Variants in PCDH7 observed in about 807,000 individuals in gnomAD.
PCDH7 encodes the protein protocadherin 7.
A neutral mutation model predicts 58.9 loss-of-function variants in PCDH7; 17 were observed. The observed-to-expected ratio is 0.29, with a 90% CI of 0.20 to 0.43. The LOEUF is 0.43. Ranked by LOEUF, PCDH7 falls within the 20% of genes least tolerant of loss-of-function variation. The pLI is 1.00. For missense variants in PCDH7, 1,274 were observed against 1,441.0 expected, an observed-to-expected ratio of 0.88 and a Z score of 1.88; for synonymous variants, 664 against 616.4, an observed-to-expected ratio of 1.08 and a Z score of -1.14.
At position 30,993,236 on chromosome 4, in the gene PCDH7, A is replaced by C. The variant is rs192785038; in HGVS notation, c.*7+43021A>C. Among the ~76,000 whole-genome samples the C allele has an allele frequency of 2.1e-3, 323 of 152,350 alleles. 1 individual carries two copies. The highest frequency in any genetic ancestry group is 4.0e-3 in the Non-Finnish European group (275 of 68,038). ...TATATGCCTACCTATGGCTCTTCCA[A>C]TGCTAGTTTCTACATTTCCCATGTA... On this transcript the variant is annotated intron_variant, in intron 3 of 3. Coordinates refer to the PCDH7 transcript ENST00000509759.
intron 1 of PCDH7, among the ~76,000 whole-genome samples, chr4:30,846,248 G>A (rs1731930999): frequency 6.6e-6 from 1 of 152,168 alleles, no homozygotes; most frequent in East Asian, 1.9e-4. Flanking sequence ...GCCTTTAAGA[G>A]GTGATTAGGT....
chr4:30,928,773 C>G (rs1282390707), intron 2 of PCDH7, among the ~76,000 whole-genome samples: 1 of 152,172 alleles, frequency 6.6e-6, no homozygotes, highest in Admixed American at 6.5e-5. Context: ...TCTTTATCTA[C>G]TCATCTTTGA....
At chr4:31,088,257 A>G (rs1712737351) in intron 3 of PCDH7, among the ~76,000 whole-genome samples, 1 of 152,082 alleles carries the variant, frequency 6.6e-6, no homozygotes, top group Non-Finnish European at 1.5e-5. Context: ...TTAGAGGATA[A>G]TAGAATTGCT....
At chr4:30,824,171 C>T (rs1218869421) in intron 1 of PCDH7, among the ~76,000 whole-genome samples, 3 of 119,350 alleles carry the variant, frequency 2.5e-5, no homozygotes, top group African/African-American at 9.7e-5. Flanking sequence ...TTTTGCTTCC[C>T]TCATATATGT....
intron 3 of PCDH7, among the ~76,000 whole-genome samples, chr4:31,049,285 C>A (rs1756554855): frequency 6.6e-6 from 1 of 151,980 alleles, no homozygotes; most frequent in South Asian, 2.1e-4. Flanking sequence ...GGCTTCAAGG[C>A]AGGCAAGCAA....
At chr4:31,089,125 C>G (rs1196649389) in intron 3 of PCDH7, among the ~76,000 whole-genome samples, 1 of 151,988 alleles carries the variant, frequency 6.6e-6, no homozygotes, top group South Asian at 2.1e-4. Context: ...CCATTCATCA[C>G]CTCTCATACT....
At chr4:30,903,699 A>G (rs543066883) in intron 1 of PCDH7, among the ~76,000 whole-genome samples, 1 of 152,282 alleles carries the variant, frequency 6.6e-6, no homozygotes, top group East Asian at 1.9e-4. Flanking sequence ...ATGTCACAGA[A>G]GAAGTTCTGG....
intron 1 of PCDH7, among the ~76,000 whole-genome samples, chr4:30,746,750 A>G (rs1180919505): frequency 6.6e-6 from 1 of 152,238 alleles, no homozygotes; most frequent in Non-Finnish European, 1.5e-5. Flanking sequence ...TGATGCCAAA[A>G]AAATTTCCTC....
intron 3 of PCDH7, among the ~76,000 whole-genome samples, chr4:31,082,420 T>C (rs535241533): frequency 1.2e-4 from 18 of 152,320 alleles, no homozygotes; most frequent in African/African-American, 3.8e-4. Flanking sequence ...TAGTGAAATA[T>C]GGTAAAATAA....
At chr4:30,753,669 A>G (rs1718868549) in intron 1 of PCDH7, among the ~76,000 whole-genome samples, 1 of 151,904 alleles carries the variant, frequency 6.6e-6, no homozygotes, top group South Asian at 2.1e-4. Flanking sequence ...TATTTATTAA[A>G]CCCCTTGACT....
exon 2 of PCDH7, chr4:30,731,661 A>T (rs1316941933): frequency 6.6e-6 from 1 of 152,114 alleles, no homozygotes; most frequent in Non-Finnish European, 1.5e-5. Context: ...TTTATTAAAC[A>T]TCCTATTTGA....
chr4:30,843,486 G>A (rs949342242), intron 1 of PCDH7, among the ~76,000 whole-genome samples: 3 of 152,112 alleles, frequency 2.0e-5, no homozygotes, highest in Admixed American at 6.5e-5. Flanking sequence ...GAGCCACTCC[G>A]CCTGGCCTGG....
At chr4:31,005,056 G>A (rs765217497) in intron 3 of PCDH7, among the ~76,000 whole-genome samples, 2 of 152,166 alleles carry the variant, frequency 1.3e-5, no homozygotes, top group Non-Finnish European at 2.9e-5. Context: ...TGAAATTTCC[G>A]AGTTTAACTT....
intron 1 of PCDH7, chr4:30,786,733 A>G: frequency 1.0e-6 from 1 of 982,370 alleles, no homozygotes; most frequent in Non-Finnish European, 1.2e-6. Flanking sequence ...ATAGGTGGAT[A>G]CAGTGCAGAC....
At chr4:31,072,940 T>C (rs1176017584) in intron 3 of PCDH7, among the ~76,000 whole-genome samples, 1 of 152,084 alleles carries the variant, frequency 6.6e-6, no homozygotes, top group Non-Finnish European at 1.5e-5. Flanking sequence ...GGCAGTATAA[T>C]AAATTCTCAA....
chr4:30,950,667 C>T (rs1457712208), intron 3 of PCDH7, among the ~76,000 whole-genome samples: 1 of 152,142 alleles, frequency 6.6e-6, no homozygotes, highest in African/African-American at 2.4e-5. Context: ...TTATAATACT[C>T]ATCTGGTTAT....
chr4:31,020,694 T>C (rs1320816874), intron 3 of PCDH7, among the ~76,000 whole-genome samples: 1 of 152,240 alleles, frequency 6.6e-6, no homozygotes. Context: ...GCACAAGCCA[T>C]AACACCCCAG....
chr4:31,046,494 T>A (rs948095343), intron 3 of PCDH7, among the ~76,000 whole-genome samples: 1 of 152,042 alleles, frequency 6.6e-6, no homozygotes, highest in African/African-American at 2.4e-5. Context: ...ACTCAAATAA[T>A]CAGGGTTACA....
chr4:30,775,643 T>A (rs1721960301), intron 1 of PCDH7, among the ~76,000 whole-genome samples: 1 of 152,086 alleles, frequency 6.6e-6, no homozygotes, highest in Non-Finnish European at 1.5e-5. Context: ...CATGGTGGCT[T>A]ACGCTTGTAA....
Sources: allele counts gnomAD v4.1 joint callset (sites outside exome capture counted in the v4.1 genomes callset), GRCh38; gene constraint gnomAD v4.1.1; transcripts MANE v1.5; gene names NCBI Gene and HGNC (gene_info 2026-07-23, HGNC 2026-07-21).